THADA: variants seen among roughly 807,000 people sequenced by gnomAD.
THADA encodes the protein THADA armadillo repeat containing, also known as tRNA (32-2'-O)-methyltransferase regulator THADA.
Under a neutral mutation model 219.8 loss-of-function variants are expected in THADA, and 213 were observed. The ratio of observed to expected loss-of-function variants is 0.97; its 90% CI spans 0.87 to 1.09. THADA has a LOEUF of 1.09. THADA is among the 50% of genes least tolerant of loss of function. The pLI, the probability that THADA is intolerant of heterozygous loss-of-function variation, is 0.00. For missense variants in THADA, 2,956 were observed against 2,311.3 expected, an observed-to-expected ratio of 1.28 and a Z score of -5.72; for synonymous variants, 1,018 against 828.9, an observed-to-expected ratio of 1.23 and a Z score of -3.92.
intron 28 of THADA, among the ~76,000 whole-genome samples, chr2:43,407,859 A>G (rs565958097): frequency 6.6e-6 from 1 of 152,258 alleles, no homozygotes; most frequent in East Asian, 1.9e-4. Flanking sequence ...GTCTATGGGA[A>G]CATAAAAAGA....
At chr2:43,429,890 C>A (rs147212946) in intron 27 of THADA, among the ~76,000 whole-genome samples, 1 of 150,252 alleles carries the variant, frequency 6.7e-6, no homozygotes, top group Non-Finnish European at 1.5e-5. Flanking sequence ...GCAGTCTGAC[C>A]GTGCACAGTG....
In THADA at chr2:43,418,073, A is replaced by C. The variant is rs139634113; in HGVS notation, c.4058+10027T>G. Among the ~76,000 whole-genome samples the C allele has an allele frequency of 1.8e-3, 270 of 152,298 alleles. 1 individual carries two copies. The highest frequency in any genetic ancestry group is 6.1e-3 in the African/African-American group (255 of 41,560). On this transcript the variant is annotated intron_variant, in intron 28 of 37. Coordinates refer to ENST00000405975, the MANE Select transcript of THADA (RefSeq NM_022065.5). ...AAAAAGGATACCTCATTATGCCAAA[A>C]ACTGTATCTGTCTGATTCACCACTC...
In THADA at chr2:43,569,334, C is replaced by T. The variant is rs1699037804; in HGVS notation, c.2187+1054G>A. On this transcript the variant is annotated intron_variant, in intron 14 of 37. Transcript: ENST00000405975. ...ATATATAGTTTACATCACTTCTCGG[C>T]CTTTTAGCTAAGATCAAGTGGAGAG... 2.0e-5 allele frequency among the ~76,000 whole-genome samples: 3 copies of T among 152,266 alleles called. No individual in the cohort carries two copies. In the South Asian group the frequency reaches 6.2e-4, roughly 32 times the overall value.
chr2:43,428,156 C>A lies in THADA; in HGVS notation c.4002G>T (p.Pro1334=). ...LLVLERLYAS[P]MDGTSSALSM... is the part of the protein sequence containing the mutation. ...TGAGAGCAGAAGAAGTACCATCCAT[C>A]GGGGAAGCGTAGAGTCTCTCCAACA... Residue 1334 remains proline (P), a synonymous_variant, in exon 28 of 38, where the codon CCG becomes CCT. Coordinates refer to ENST00000405975, the MANE Select transcript of THADA (RefSeq NM_022065.5). 1 of 1,610,668 alleles carries A rather than the reference C, an allele frequency of 6.2e-7. No individual in the cohort carries two copies. The highest frequency in any genetic ancestry group is 8.5e-7 in the Non-Finnish European group (1 of 1,178,126).
intron 28 of THADA, among the ~76,000 whole-genome samples, chr2:43,421,658 C>A (rs945357710): frequency 6.6e-6 from 1 of 152,080 alleles, no homozygotes; most frequent in Admixed American, 6.5e-5. Context: ...GTGGCTTAAG[C>A]CAACATCTGG....
chr2:43,304,438 G>C (rs1676610057), intron 31 of THADA, among the ~76,000 whole-genome samples: 2 of 152,134 alleles, frequency 1.3e-5, no homozygotes, highest in African/African-American at 2.4e-5. Flanking sequence ...AAGTGCAAAT[G>C]GCAGTGATAC....
At chr2:43,433,178 T>C (rs534592786) in intron 26 of THADA, among the ~76,000 whole-genome samples, 4 of 152,150 alleles carry the variant, frequency 2.6e-5, no homozygotes, top group East Asian at 1.9e-4. Context: ...TCCACATTGG[T>C]ATTTCATATT....
At position 43,292,947 on chromosome 2, in the gene THADA, A is replaced by C; in HGVS notation, c.4705T>G (p.Leu1569Val). ...LTLEALLEKF[L>V]AAASGLGEKG... ...TCTCCAAGTCCAGAGGCTGCTGCTA[A>C]GAACTTTTCCAAGAGGGCTTCCAGT... Residue 1569 changes from leucine to valine, a missense_variant, in exon 32 of 38, where the codon TTA becomes GTA. Transcript: ENST00000405975. 1 of 1,614,048 alleles carries C rather than the reference A, an allele frequency of 6.2e-7. No individual in the cohort carries two copies. Among genetic ancestry groups the C allele is most frequent in the Non-Finnish European group, 8.5e-7 (1 of 1,179,902 alleles).
intron 29 of THADA, among the ~76,000 whole-genome samples, chr2:43,366,361 C>G (rs1670157111): frequency 6.6e-6 from 1 of 152,156 alleles, no homozygotes; most frequent in Non-Finnish European, 1.5e-5. Flanking sequence ...GAAGAAAAAG[C>G]TCACTGTCTG....
At position 43,549,361 on chromosome 2, in the gene THADA, T is replaced by C. The variant is rs1238133313; in HGVS notation, c.2955A>G (p.Ala985=). ...LIPMDTDSES[A]SRLQMILNEI... ...CATTCAGAATCATCTGTAAGCGGCT[T>C]GCTGACTCTGAGGGAAAGAAATGAG... The change falls in exon 20 of 38, where the codon GCA becomes GCG. Residue 985 remains alanine, a synonymous_variant. Coordinates refer to ENST00000405975, the MANE Select transcript of THADA (RefSeq NM_022065.5). The C allele has an allele frequency of 6.2e-7, 1 of 1,601,870 alleles. No individual in the cohort carries two copies. Among genetic ancestry groups the C allele is most frequent in the Admixed American group, 1.7e-5 (1 of 57,484 alleles).
intron 22 of THADA, among the ~76,000 whole-genome samples, chr2:43,515,003 TTATATATATTATATATTTTATATATAATA>T (rs1300608710): frequency 9.2e-5 from 3 of 32,664 alleles, no homozygotes; most frequent in South Asian, 8.7e-4. Context: ...ATATATAATA[TTATATATATTATATATTTTATATATAATA>T]TATATAAATA....
chr2:43,537,064 C>T (rs1210570264), intron 21 of THADA, among the ~76,000 whole-genome samples: 1 of 152,202 alleles, frequency 6.6e-6, no homozygotes, highest in Non-Finnish European at 1.5e-5. Context: ...AAAGTTTACA[C>T]TCCAGTAAAA....
intron 30 of THADA, among the ~76,000 whole-genome samples, chr2:43,329,662 G>A (rs147123211): frequency 6.6e-6 from 1 of 152,148 alleles, no homozygotes; most frequent in East Asian, 1.9e-4. Context: ...CAAGACAAGG[G>A]CAGAAACCAA....
intron 22 of THADA, among the ~76,000 whole-genome samples, chr2:43,521,653 T>C (rs558692343): frequency 1.3e-5 from 2 of 152,250 alleles, no homozygotes; most frequent in African/African-American, 2.4e-5. Context: ...GGCCAGGCTA[T>C]AGCTGCTATT....
chr2:43,335,006 C>T (rs937598438), intron 30 of THADA, among the ~76,000 whole-genome samples: 1 of 152,092 alleles, frequency 6.6e-6, no homozygotes, highest in Non-Finnish European at 1.5e-5. Flanking sequence ...GAGAATGAGG[C>T]AATGGGGATG....
intron 22 of THADA, among the ~76,000 whole-genome samples, chr2:43,519,961 C>T (rs1249987773): frequency 6.6e-6 from 1 of 152,204 alleles, no homozygotes; most frequent in African/African-American, 2.4e-5. Flanking sequence ...GATTTCAAAA[C>T]TCCAGGGTTG....
intron 26 of THADA, among the ~76,000 whole-genome samples, chr2:43,440,513 A>G (rs1680716722): frequency 6.6e-6 from 1 of 152,172 alleles, no homozygotes; most frequent in Admixed American, 6.5e-5. Flanking sequence ...CTCAGAGCAA[A>G]ACTGGTCAAG....
intron 19 of THADA, among the ~76,000 whole-genome samples, chr2:43,550,751 T>G (rs944299557): frequency 6.6e-6 from 1 of 152,202 alleles, no homozygotes; most frequent in African/African-American, 2.4e-5. Context: ...TATGGGTACT[T>G]TGCTGACCCA....
chr2:43,399,385 G>A (rs762070935), intron 28 of THADA, among the ~76,000 whole-genome samples: 1 of 152,208 alleles, frequency 6.6e-6, no homozygotes, highest in Non-Finnish European at 1.5e-5. Flanking sequence ...GGCTCAGTAA[G>A]TAGAGGGACA....
Sources: gnomAD v4.1 joint callset for allele counts (sites outside exome capture counted in the v4.1 genomes callset) on GRCh38, gnomAD v4.1.1 for gene constraint, MANE v1.5 for transcripts, NCBI Gene and HGNC (gene_info 2026-07-23, HGNC 2026-07-21) for gene names.